The following MORN1 variants were observed in gnomAD, a reference collection of about 807,000 sequenced individuals.
MORN1 encodes the protein MORN repeat containing 1.
A neutral mutation model predicts 61.9 loss-of-function variants in MORN1; 67 were observed. The observed-to-expected ratio is 1.08, with a 90% CI of 0.89 to 1.33. The LOEUF (loss-of-function observed/expected upper bound fraction) is 1.33, where lower values mean the gene tolerates loss of function less well. Among genes scored for constraint, MORN1 ranks in the 40% most tolerant of loss-of-function variants. The pLI, the probability that MORN1 is intolerant of heterozygous loss-of-function variation, is 0.00. For synonymous variants in MORN1, 301 were observed against 292.0 expected, an observed-to-expected ratio of 1.03 and a Z score of -0.31; for missense variants, 752 against 691.2, an observed-to-expected ratio of 1.09 and a Z score of -0.99.
intron 12 of MORN1, chr1:2,332,522 C>A: frequency 2.3e-6 from 1 of 440,342 alleles, no homozygotes. Flanking sequence ...CCCACGCAGG[C>A]CGCTAGGACC....
intron 13 of MORN1, 110 bp from the exon 14 acceptor site, chr1:2,321,689 C>G: frequency 1.5e-6 from 2 of 1,338,990 alleles, no homozygotes; most frequent in South Asian, 3.3e-5. Context: ...TGCCCCCGAC[C>G]CTGGTCATCT....
At chr1:2,353,689 C>A (rs1046784140) in intron 10 of MORN1, among the ~76,000 whole-genome samples, 1 of 152,232 alleles carries the variant, frequency 6.6e-6, no homozygotes, top group Non-Finnish European at 1.5e-5. Context: ...AGTCCCCGAT[C>A]CCCTAGGGGC....
chr1:2,323,734 C>T (rs1289114744), intron 13 of MORN1: 1 of 985,378 alleles, frequency 1.0e-6, no homozygotes, highest in Non-Finnish European at 1.2e-6. Context: ...GGGAGCAGCT[C>T]CTCATGGTTC....
At chr1:2,331,746 C>T (rs540908274) in intron 12 of MORN1, among the ~76,000 whole-genome samples, 5 of 152,286 alleles carry the variant, frequency 3.3e-5, no homozygotes, top group South Asian at 2.1e-4. Flanking sequence ...GTAACAAAGG[C>T]GCGCGTTTCT....
intron 12 of MORN1, chr1:2,326,545 A>T (rs958098003): frequency 6.6e-6 from 1 of 152,212 alleles, no homozygotes; most frequent in Admixed American, 6.5e-5. Context: ...GGGACCGCAC[A>T]TGGGGAGGTG....
chr1:2,361,408 A>G (rs1460396364), intron 8 of MORN1, among the ~76,000 whole-genome samples: 1 of 152,060 alleles, frequency 6.6e-6, no homozygotes, highest in Non-Finnish European at 1.5e-5. Flanking sequence ...AATACAAAAA[A>G]TTAGCTGGGT....
chr1:2,326,128 G>C (rs1384577635), intron 12 of MORN1: 1 of 152,146 alleles, frequency 6.6e-6, no homozygotes, highest in Non-Finnish European at 1.5e-5. Flanking sequence ...GAGAGCCAAG[G>C]GCTCCTTGAC....
chr1:2,385,540 T>C, intron 5 of MORN1: 1 of 337,710 alleles, frequency 3.0e-6, no homozygotes, highest in South Asian at 3.7e-5. Context: ...TCTCAGGAGG[T>C]ATTTTAATCG....
Position 2,357,696 on chromosome 1 carries a change from T to C in MORN1, c.870-98A>G, listed in dbSNP as rs1226918650. The C allele has an allele frequency of 1.0e-5, 14 of 1,402,146 alleles. No homozygotes were observed. The African/African-American group carries it at 1.9e-4, about 19-fold the overall frequency. 86.9% of individuals were successfully genotyped at this position (1,402,146 alleles called of 1,614,324 possible). On this transcript the variant is annotated intron_variant, in intron 9 of 13. Coordinates refer to ENST00000378531, the MANE Select transcript of MORN1 (RefSeq NM_024848.3). This position sits in a 1 kb window ranked among gnomAD's most constrained non-coding sequence, Gnocchi z 6.3. ...CACGCCCTGGACCCTGGGACTTGCC[T>C]ACACTGAGTCCAGGGAGCGCTACTC...
intron 6 of MORN1, among the ~76,000 whole-genome samples, chr1:2,380,124 T>C (rs1570036695): frequency 6.6e-6 from 1 of 151,902 alleles, no homozygotes; most frequent in Non-Finnish European, 1.5e-5. Context: ...CCGCGCCGGG[T>C]GAAACAAGCC....
intron 6 of MORN1, among the ~76,000 whole-genome samples, chr1:2,380,738 T>C (rs1557891584): frequency 6.6e-6 from 1 of 152,146 alleles, no homozygotes; most frequent in Non-Finnish European, 1.5e-5. Flanking sequence ...ACTTCTTTTG[T>C]AGAGACAGGG....
At chr1:2,390,498 A>C in intron 1 of MORN1, 2 of 985,336 alleles carry the variant, frequency 2.0e-6, no homozygotes, top group Non-Finnish European at 2.4e-6. Flanking sequence ...ATCTCCTCCT[A>C]GTTGCTGGGT....
At chr1:2,364,084 G>A (rs1641952315) in intron 8 of MORN1, among the ~76,000 whole-genome samples, 1 of 151,996 alleles carries the variant, frequency 6.6e-6, no homozygotes, top group Non-Finnish European at 1.5e-5. Flanking sequence ...AACATAGGCA[G>A]GTTAAAAGTA....
chr1:2,355,075 G>A (rs886520279), intron 10 of MORN1: 28 of 816,542 alleles, frequency 3.4e-5, no homozygotes, highest in Non-Finnish European at 4.2e-5. Flanking sequence ...CAGTGGGGCC[G>A]GCGCGGGGGG....
At chr1:2,368,215 A>G (rs188634500) in intron 8 of MORN1, among the ~76,000 whole-genome samples, 117 of 152,376 alleles carry the variant, frequency 7.7e-4, no homozygotes, top group African/African-American at 2.7e-3. Flanking sequence ...TGAGCTCTAC[A>G]GCAGGGCTTA....
At chr1:2,328,633 A>G (rs1021395073) in intron 12 of MORN1, among the ~76,000 whole-genome samples, 2 of 152,166 alleles carry the variant, frequency 1.3e-5, no homozygotes, top group East Asian at 3.9e-4. Flanking sequence ...GAAAGTCTGA[A>G]AATCAGGGCC....
intron 12 of MORN1, among the ~76,000 whole-genome samples, chr1:2,327,229 GACACAGAAACACACAGAAAC>G (rs199879944): frequency 3.3e-5 from 3 of 91,916 alleles, no homozygotes; most frequent in Admixed American, 1.0e-4. Flanking sequence ...CAAACACAGA[GACACAGAAACACACAGAAAC>G]ACACAGAAAC....
At chr1:2,348,810 GGCACGCACACACAC>G (rs1426675646) in intron 10 of MORN1, among the ~76,000 whole-genome samples, 1 of 146,956 alleles carries the variant, frequency 6.8e-6, no homozygotes. Context: ...CTCCTGCGCG[GGCACGCACACACAC>G]GCACGCACAC....
At chr1:2,351,430 G>A (rs747767499) in intron 10 of MORN1, 40 of 161,578 alleles carry the variant, frequency 2.5e-4, no homozygotes, top group Non-Finnish European at 4.9e-4. Flanking sequence ...GCCCTCTCTG[G>A]GACTTTCGAG....
Sources: allele counts gnomAD v4.1 joint callset (sites outside exome capture counted in the v4.1 genomes callset), GRCh38; gene constraint gnomAD v4.1.1; non-coding constraint Gnocchi (gnomAD v3.1); transcripts MANE v1.5; gene names NCBI Gene and HGNC (gene_info 2026-07-23, HGNC 2026-07-21).